The following ADAMTS18 variants were observed in gnomAD, a reference collection of about 807,000 sequenced individuals.
ADAMTS18 encodes ADAM metallopeptidase with thrombospondin type 1 motif 18, also known as A disintegrin and metalloproteinase with thrombospondin motifs 18.
In ADAMTS18, 157 loss-of-function variants were observed where a neutral mutation model predicts 165.9. The observed-to-expected ratio is 0.95, with a 90% CI of 0.83 to 1.08. The LOEUF (loss-of-function observed/expected upper bound fraction) is 1.08. Ranked by LOEUF, ADAMTS18 falls within the 50% of genes least tolerant of loss-of-function variation. The pLI, the probability that ADAMTS18 is intolerant of heterozygous loss-of-function variation, is 0.00. For synonymous variants in ADAMTS18, 782 were observed against 578.2 expected (o/e 1.35, Z -5.06); for missense variants, 2,040 against 1,534.0 (o/e 1.33, Z -5.51).
intron 12 of ADAMTS18, among the ~76,000 whole-genome samples, chr16:77,328,100 A>G (rs1711566222): frequency 6.6e-6 from 1 of 152,212 alleles, no homozygotes; most frequent in Non-Finnish European, 1.5e-5. Context: ...AGACAATTCC[A>G]TTAGAACATA....
intron 3 of ADAMTS18, chr16:77,378,771 T>C (rs961451128): frequency 6.6e-6 from 1 of 152,130 alleles, no homozygotes; most frequent in African/African-American, 2.4e-5. Context: ...TCAGGACATA[T>C]ATAACACTCA....
At position 77,289,140 on chromosome 16, in the gene ADAMTS18, A is replaced by G. The variant is rs376389658; in HGVS notation, c.3550+124T>C. 7.4e-5 allele frequency: 94 copies of G among 1,273,384 alleles called. No homozygotes were observed. In the African/African-American group the frequency reaches 1.1e-3, roughly 15 times the overall value. 78.9% of individuals were successfully genotyped at this position (1,273,384 alleles called of 1,614,324 possible). ...ACAACTCCAGGGAGCACTGTCACAT[A>G]GACTTCGGGTGAATGGCTTACCCTA... is the stretch of plus-strand genomic sequence containing the variant. On this transcript the variant is annotated intron_variant, in intron 22 of 22. Coordinates refer to ENST00000282849, the MANE Select transcript of ADAMTS18 (RefSeq NM_199355.4).
At chr16:77,418,998 A>T (rs1461304019) in intron 3 of ADAMTS18, among the ~76,000 whole-genome samples, 1 of 152,142 alleles carries the variant, frequency 6.6e-6, no homozygotes, top group Non-Finnish European at 1.5e-5. Context: ...AAAATACAAA[A>T]ATTAGCTGGG....
intron 16 of ADAMTS18, 52 bp downstream of exon 16, chr16:77,319,797 G>A (rs1184928892): frequency 3.7e-6 from 6 of 1,612,588 alleles, no homozygotes; most frequent in African/African-American, 1.3e-5. Flanking sequence ...TGCAGTCAAC[G>A]ATATAAATGT....
chr16:77,400,926 C>T (rs779908227), intron 3 of ADAMTS18, among the ~76,000 whole-genome samples: 2 of 146,264 alleles, frequency 1.4e-5, no homozygotes, highest in Non-Finnish European at 3.0e-5. Context: ...AATAAACTAC[C>T]TGCACCCAAA....
chr16:77,313,725 G>T (rs2055828427), intron 16 of ADAMTS18, among the ~76,000 whole-genome samples: 1 of 152,150 alleles, frequency 6.6e-6, no homozygotes, highest in Admixed American at 6.5e-5. Context: ...TACAGAACTT[G>T]GTTTGTGTAC....
intron 3 of ADAMTS18, among the ~76,000 whole-genome samples, chr16:77,384,950 C>A (rs2057085575): frequency 3.3e-5 from 5 of 150,330 alleles, no homozygotes; most frequent in Admixed American, 2.7e-4. Flanking sequence ...TGTTCTGTTG[C>A]CCAAGCTGGA....
rs1468674183 is a variant in ADAMTS18 at position 77,434,511 on chromosome 16, A to G, written c.91-6T>C. 2 of 1,554,680 alleles carry G rather than the reference A, an allele frequency of 1.3e-6. No homozygotes were observed. Among genetic ancestry groups the G allele is most frequent in the Admixed American group, 3.8e-5 (2 of 52,748 alleles). ...AGGCAGCACAGCTGGAGCGCCTGCAAGAGAAAAGGTGACATCGCGCGTGAG... is the reference window on the plus strand; with the variant it reads ...AGGCAGCACAGCTGGAGCGCCTGCAGGAGAAAAGGTGACATCGCGCGTGAG... On this transcript the variant is annotated splice_region_variant and splice_polypyrimidine_tract_variant and intron_variant, in intron 1 of 22. Transcript: ENST00000282849.
At chr16:77,387,640 T>C (rs2057127874) in intron 3 of ADAMTS18, among the ~76,000 whole-genome samples, 1 of 152,214 alleles carries the variant, frequency 6.6e-6, no homozygotes, top group African/African-American at 2.4e-5. Flanking sequence ...ACAAGCTGCG[T>C]ATCAGTGGCT....
At chr16:77,382,411 C>T (rs1388046577) in intron 3 of ADAMTS18, among the ~76,000 whole-genome samples, 3 of 152,142 alleles carry the variant, frequency 2.0e-5, no homozygotes, top group African/African-American at 4.8e-5. Context: ...GGGGTTTCAC[C>T]GTGTTAGCCA....
chr16:77,415,512 C>T, intron 3 of ADAMTS18, among the ~76,000 whole-genome samples: 1 of 152,068 alleles, frequency 6.6e-6, no homozygotes, highest in Non-Finnish European at 1.5e-5. Context: ...CCAGGTGTCC[C>T]AGAATTTGAT....
chr16:77,314,624 A>AGT (rs765802389), intron 16 of ADAMTS18, among the ~76,000 whole-genome samples: 2 of 67,386 alleles, frequency 3.0e-5, no homozygotes, highest in African/African-American at 5.7e-5. Context: ...AAAAAAAAAA[A>AGT]ATGTGTGTGT....
chr16:77,378,314 C>G (rs916909029), intron 3 of ADAMTS18, among the ~76,000 whole-genome samples: 7 of 148,386 alleles, frequency 4.7e-5, no homozygotes, highest in Admixed American at 2.7e-4. Flanking sequence ...CAGAGTGAGG[C>G]CTTGTCTCAA....
At chr16:77,344,795 A>T (rs1263995687) in intron 10 of ADAMTS18, among the ~76,000 whole-genome samples, 1 of 152,148 alleles carries the variant, frequency 6.6e-6, no homozygotes, top group Non-Finnish European at 1.5e-5. Context: ...CTGCATGAAC[A>T]TGTTATTTCT....
intron 21 of ADAMTS18, 122 bp downstream of exon 21, chr16:77,291,144 C>G (rs17687099): frequency 0.017 from 18,357 of 1,107,614 alleles, 261 homozygotes; most frequent in South Asian, 0.044. Flanking sequence ...GCCTTCAGAA[C>G]TTGAGCCCTT....
At chr16:77,412,978 T>G (rs1353589041) in intron 3 of ADAMTS18, among the ~76,000 whole-genome samples, 2 of 152,128 alleles carry the variant, frequency 1.3e-5, no homozygotes, top group Non-Finnish European at 2.9e-5. Context: ...ATTGCAAGCA[T>G]GAGACACCAT....
intron 11 of ADAMTS18, among the ~76,000 whole-genome samples, 194 bp downstream of exon 11, chr16:77,341,510 T>C (rs2056397027): frequency 6.6e-6 from 1 of 152,148 alleles, no homozygotes; most frequent in Non-Finnish European, 1.5e-5. Flanking sequence ...AAAAAAATCT[T>C]CTTAAACAAT....
intron 3 of ADAMTS18, among the ~76,000 whole-genome samples, chr16:77,411,239 C>A (rs1005501960): frequency 6.6e-6 from 1 of 152,170 alleles, no homozygotes; most frequent in African/African-American, 2.4e-5. Context: ...AGCCACATGG[C>A]TGGCTCCCTG....
chr16:77,301,634 C>A (rs1378731763), intron 16 of ADAMTS18, among the ~76,000 whole-genome samples: 3 of 152,206 alleles, frequency 2.0e-5, no homozygotes, highest in Admixed American at 2.0e-4. Context: ...GGGATCCCAC[C>A]TCCATTAGAG....
Sources: gnomAD v4.1 joint callset for allele counts (sites outside exome capture counted in the v4.1 genomes callset) on GRCh38, gnomAD v4.1.1 for gene constraint, MANE v1.5 for transcripts, NCBI Gene and HGNC (gene_info 2026-07-23, HGNC 2026-07-21) for gene names.